Variants in ATF6 observed in about 807,000 individuals in gnomAD.
ATF6 encodes cyclic AMP-dependent transcription factor ATF-6 alpha.
ATF6 carries 53 observed loss-of-function variants against 83.6 expected under a neutral mutation model. The observed-to-expected ratio is 0.63, with a 90% CI of 0.51 to 0.80. The LOEUF (loss-of-function observed/expected upper bound fraction) is 0.80, where lower values mean the gene tolerates loss of function less well. Ranked by LOEUF, ATF6 falls within the 30% of genes least tolerant of loss-of-function variation. The pLI is 0.00. For synonymous variants in ATF6, 288 were observed against 285.8 expected (o/e 1.01, Z -0.08); for missense variants, 744 against 797.9 (o/e 0.93, Z 0.81).
intron 15 of ATF6, among the ~76,000 whole-genome samples, chr1:161,934,799 G>A (rs1354449799): frequency 6.6e-6 from 1 of 152,034 alleles, no homozygotes; most frequent in Non-Finnish European, 1.5e-5. Flanking sequence ...TGTTCCTAAG[G>A]TAACCCATGT....
chr1:161,881,541 G>A (rs1233094802), intron 14 of ATF6, among the ~76,000 whole-genome samples: 1 of 152,108 alleles, frequency 6.6e-6, no homozygotes, highest in Non-Finnish European at 1.5e-5. Flanking sequence ...ATAGCCCGAT[G>A]GAAGAGATGC....
At chr1:161,834,337 T>C (rs1486046411) in intron 9 of ATF6, among the ~76,000 whole-genome samples, 13 of 152,038 alleles carry the variant, frequency 8.6e-5, no homozygotes, top group Admixed American at 6.6e-4. Context: ...GTATGTTTAT[T>C]GCGGCACTAT....
chr1:161,961,259 C>G lies in ATF6; in HGVS notation c.*2605C>G, dbSNP rs41271953. The G allele has an allele frequency of 0.12, 18,407 of 152,284 alleles. 2,513 individuals carry two copies. The highest frequency in any genetic ancestry group is 0.34 in the African/African-American group (13,914 of 41,476). The allele number at this position is 152,284 out of a possible 1,614,324, so 9.4% of individuals were successfully genotyped here. A position where few individuals can be genotyped will look rare whatever the true frequency, so the allele number is the denominator to read the frequency against. On this transcript the variant is annotated 3_prime_UTR_variant, in exon 16 of 16. Transcript: ENST00000367942. ...GTGGTAGCAGGGCCGGCAGCTCTGC[C>G]ACAGAGCTAGGGGTGCCTGTAAGGT...
At chr1:161,936,507 A>T (rs1688538929) in intron 15 of ATF6, among the ~76,000 whole-genome samples, 1 of 152,294 alleles carries the variant, frequency 6.6e-6, no homozygotes, top group South Asian at 2.1e-4. Flanking sequence ...GATGTTTTTC[A>T]AACATGTCTC....
intron 10 of ATF6, among the ~76,000 whole-genome samples, chr1:161,849,965 GT>G (rs940717293): frequency 2.0e-5 from 3 of 152,056 alleles, no homozygotes; most frequent in Non-Finnish European, 2.9e-5. Flanking sequence ...TTCAACAAGT[GT>G]TGTTGATACT....
At chr1:161,844,659 A>T (rs969846490) in intron 9 of ATF6, among the ~76,000 whole-genome samples, 4 of 152,134 alleles carry the variant, frequency 2.6e-5, no homozygotes, top group African/African-American at 9.7e-5. Flanking sequence ...CTTTGATTTT[A>T]TTCATAGCTT....
chr1:161,766,923 G>C (rs990785985), intron 1 of ATF6, among the ~76,000 whole-genome samples: 1 of 152,124 alleles, frequency 6.6e-6, no homozygotes, highest in African/African-American at 2.4e-5. Flanking sequence ...GTCCGTCTTG[G>C]CAGAAAAGCA....
chr1:161,825,916 C>A (rs192249543), intron 9 of ATF6, among the ~76,000 whole-genome samples: 5 of 152,216 alleles, frequency 3.3e-5, no homozygotes, highest in Admixed American at 6.5e-5. Context: ...CCAAGAGTCA[C>A]CTCATTAGCA....
chr1:161,915,171 C>T lies in ATF6; in HGVS notation c.1804+2791C>T, dbSNP rs1363949778. Among the ~76,000 whole-genome samples, 5 of 151,888 alleles carry T rather than the reference C, an allele frequency of 3.3e-5. No individual in the cohort carries two copies. In the East Asian group the frequency reaches 7.7e-4, roughly 24 times the overall value. On this transcript the variant is annotated intron_variant, in intron 15 of 15. Transcript: ENST00000367942. The stretch of plus-strand genomic sequence containing the variant: ...AGCTACATCATGTTTCCACTACCAC[C>T]GGCCCAGCTGCATCTACACCCACAA...
At chr1:161,928,575 CAA>C (rs1184845288) in intron 15 of ATF6, among the ~76,000 whole-genome samples, 2 of 151,890 alleles carry the variant, frequency 1.3e-5, no homozygotes, top group Non-Finnish European at 2.9e-5. Context: ...CCATCTATTG[CAA>C]AGTTTGCTTC....
At chr1:161,888,085 A>C (rs1334997147) in intron 14 of ATF6, among the ~76,000 whole-genome samples, 1 of 152,222 alleles carries the variant, frequency 6.6e-6, no homozygotes, top group Non-Finnish European at 1.5e-5. Flanking sequence ...AACAGGAAAC[A>C]TTACGAATAA....
chr1:161,826,714 T>A (rs1685909191), intron 9 of ATF6, among the ~76,000 whole-genome samples: 1 of 152,072 alleles, frequency 6.6e-6, no homozygotes, highest in Non-Finnish European at 1.5e-5. Flanking sequence ...AGTCAGAATA[T>A]CTTTGACACC....
chr1:161,924,351 C>G lies in ATF6; in HGVS notation c.1804+11971C>G, dbSNP rs112404592. ...TAGTTTTCATTGACATTGGGAAATA[C>G]TCCTTCTCTTGAGCTTTTACAAATA... On this transcript the variant is annotated intron_variant, in intron 15 of 15. Coordinates refer to ENST00000367942, the MANE Select transcript of ATF6 (RefSeq NM_007348.4). Among the ~76,000 whole-genome samples, 466 of 152,250 alleles carry G rather than the reference C, an allele frequency of 3.1e-3. 4 individuals carry two copies. Among genetic ancestry groups the G allele is most frequent in the African/African-American group, 0.01 (436 of 41,546 alleles).
intron 6 of ATF6, among the ~76,000 whole-genome samples, chr1:161,794,917 T>A (rs900226554): frequency 6.6e-6 from 1 of 152,208 alleles, no homozygotes; most frequent in African/African-American, 2.4e-5. Flanking sequence ...AATTGGATTG[T>A]GTAGAAGGAG....
At chr1:161,906,247 A>G (rs557380329) in intron 14 of ATF6, among the ~76,000 whole-genome samples, 30 of 152,372 alleles carry the variant, frequency 2.0e-4, no homozygotes, top group African/African-American at 6.5e-4. Context: ...TAGGGAGATC[A>G]ATCCTGACCT....
chr1:161,869,301 A>C (rs963917519), intron 14 of ATF6, among the ~76,000 whole-genome samples: 10 of 152,122 alleles, frequency 6.6e-5, no homozygotes, highest in African/African-American at 2.4e-4. Context: ...AAAATTCAAC[A>C]TATGTATATA....
At chr1:161,774,641 G>A (rs556325738) in intron 1 of ATF6, among the ~76,000 whole-genome samples, 334 of 152,178 alleles carry the variant, frequency 2.2e-3, no homozygotes, top group Non-Finnish European at 4.0e-3. Context: ...ATACTGTAGT[G>A]TATACTCTCT....
intron 14 of ATF6, among the ~76,000 whole-genome samples, chr1:161,906,092 G>A (rs113428915): frequency 0.01 from 1,591 of 152,164 alleles, 12 homozygotes; most frequent in Non-Finnish European, 0.017. Context: ...CTCGGCCTCC[G>A]AAAGTGCTGG....
chr1:161,869,597 A>G (rs1224007178), intron 14 of ATF6, among the ~76,000 whole-genome samples: 2 of 151,858 alleles, frequency 1.3e-5, no homozygotes, highest in African/African-American at 4.8e-5. Flanking sequence ...CAGAAGAGAG[A>G]TGTTTTAAAA....
Sources: gnomAD v4.1 joint callset for allele counts (sites outside exome capture counted in the v4.1 genomes callset) on GRCh38, gnomAD v4.1.1 for gene constraint, MANE v1.5 for transcripts, NCBI Gene and HGNC (gene_info 2026-07-23, HGNC 2026-07-21) for gene names.